The following RASSF4 variants were observed in gnomAD, a reference collection of about 807,000 sequenced individuals.
RASSF4 encodes Ras association domain family member 4.
In RASSF4, 38 loss-of-function variants were observed where a neutral mutation model predicts 41.1. The ratio of observed to expected loss-of-function variants is 0.92; its 90% CI spans 0.71 to 1.21. The LOEUF (loss-of-function observed/expected upper bound fraction) is 1.21, where lower values mean the gene tolerates loss of function less well. RASSF4 is among the 50% of genes most tolerant of loss of function. The probability of loss-of-function intolerance (pLI) is 0.00; values close to 1 mark genes in which losing one functional copy is unlikely to be tolerated. For synonymous variants in RASSF4, 179 were observed against 163.4 expected (o/e 1.10, Z -0.73); for missense variants, 414 against 419.4 (o/e 0.99, Z 0.11).
chr10:44,969,021 T>A (rs1841024108), intron 1 of RASSF4, among the ~76,000 whole-genome samples: 1 of 151,824 alleles, frequency 6.6e-6, no homozygotes, highest in Admixed American at 6.6e-5. Flanking sequence ...TGTGTGCATG[T>A]GAGCATGTGT....
At chr10:44,977,390 G>C in intron 3 of RASSF4, 1 of 1,569,856 alleles carries the variant, frequency 6.4e-7, no homozygotes, top group Non-Finnish European at 8.7e-7. Flanking sequence ...ACTGGGGAGG[G>C]GTCAGAGTTC....
intron 1 of RASSF4, among the ~76,000 whole-genome samples, chr10:44,964,459 G>T (rs925636756): frequency 6.6e-6 from 1 of 152,218 alleles, no homozygotes; most frequent in African/African-American, 2.4e-5. Context: ...CCTGCTGGCC[G>T]ACTTGGCCTG....
At chr10:44,973,429 G>T (rs1023269077) in intron 3 of RASSF4, among the ~76,000 whole-genome samples, 2 of 152,196 alleles carry the variant, frequency 1.3e-5, no homozygotes, top group African/African-American at 2.4e-5. Flanking sequence ...ATATCTTCTG[G>T]TGGAGGCCTG....
In RASSF4 at chr10:44,989,280, G is replaced by C. The variant is rs148393910; in HGVS notation, c.538G>C (p.Val180Leu). The change falls in exon 7 of 11, where the codon GTG (valine) becomes CTG (leucine). Residue 180 changes from valine (V) to leucine (L), a missense_variant. Val to Leu is a conservative substitution (Grantham distance 32). Coordinates refer to ENST00000340258, the MANE Select transcript of RASSF4 (RefSeq NM_032023.4). ...NGHFYNHKTSVFTPAYGSVTN... is the reference protein window; with the variant it reads ...NGHFYNHKTSLFTPAYGSVTN... ...CTCTCCCTTCCTGGTACAGACCTCC[G>C]TGTTTACTCCAGCCTATGGATCCGT... 2 of 1,611,482 alleles carry C rather than the reference G, an allele frequency of 1.2e-6. No individual in the cohort carries two copies. The highest frequency in any genetic ancestry group is 2.2e-5 in the South Asian group (2 of 90,958).
At chr10:44,965,577 T>C (rs539018830) in intron 1 of RASSF4, among the ~76,000 whole-genome samples, 2 of 152,238 alleles carry the variant, frequency 1.3e-5, no homozygotes, top group Non-Finnish European at 2.9e-5. Flanking sequence ...AATGTGTGCC[T>C]CTCTCAAAGG....
At chr10:44,985,959 G>C (rs986785394) in intron 6 of RASSF4, among the ~76,000 whole-genome samples, 1 of 152,210 alleles carries the variant, frequency 6.6e-6, no homozygotes, top group East Asian at 1.9e-4. Context: ...CAGGATTGAA[G>C]TTAGGCAGAG....
At chr10:44,971,284 A>G (rs542155003) in intron 2 of RASSF4, 213 of 356,578 alleles carry the variant, frequency 6.0e-4, no homozygotes, top group Non-Finnish European at 1.0e-3. Flanking sequence ...CAGGGCCATC[A>G]CCTTCCACTG....
chr10:44,994,409 G>A lies in RASSF4; in HGVS notation c.*1080G>A, dbSNP rs187991263. 1.1e-3 allele frequency: 169 copies of A among 152,782 alleles called. No individual in the cohort carries two copies. The highest frequency in any genetic ancestry group is 3.8e-3 in the African/African-American group (159 of 41,578). The allele number at this position is 152,782 out of a possible 1,614,324, so 9.5% of individuals were successfully genotyped here. ...AAACTGAAGACCAAATTATTCTCCT[G>A]TTGAGGTCCGTGGATGGCAGATTTA... is the stretch of plus-strand genomic sequence containing the variant. On this transcript the variant is annotated 3_prime_UTR_variant, in exon 11 of 11. Coordinates refer to ENST00000340258, the MANE Select transcript of RASSF4 (RefSeq NM_032023.4).
intron 2 of RASSF4, 194 bp from the exon 3 acceptor site, chr10:44,971,579 C>A: frequency 1.5e-6 from 1 of 688,910 alleles, no homozygotes; most frequent in Non-Finnish European, 2.7e-6. Flanking sequence ...CCCATGCCCC[C>A]CACCAGGGCC....
rs570843629 is a variant in RASSF4 at position 44,984,976 on chromosome 10, G to C, written c.531+6G>C. The C allele has an allele frequency of 2.5e-6, 4 of 1,607,630 alleles. No individual in the cohort carries two copies. In the African/African-American group the frequency reaches 4.0e-5, roughly 16 times the overall value. ...GCCACTTCTACAATCATAAGGTGAT[G>C]CCCCAGCCTGGCCTCTCCCCTGGGC... On this transcript the variant is annotated splice_donor_region_variant and intron_variant, in intron 6 of 10. Transcript: ENST00000340258.
chr10:44,993,741 C>T lies in RASSF4; in HGVS notation c.*412C>T, dbSNP rs76732694. 0.011 allele frequency: 1,808 copies of T among 171,122 alleles called. 15 individuals are homozygous for T. Among genetic ancestry groups the T allele is most frequent in the Non-Finnish European group, 0.017 (1,345 of 79,052 alleles). 10.6% of individuals were successfully genotyped at this position (171,122 alleles called of 1,614,324 possible). A position where few individuals can be genotyped will look rare whatever the true frequency, so the allele number is the denominator to read the frequency against. On this transcript the variant is annotated 3_prime_UTR_variant, in exon 11 of 11. Coordinates refer to ENST00000340258, the MANE Select transcript of RASSF4 (RefSeq NM_032023.4). ...GAGATTCTTGTCTGCCCTCATATCA[C>T]GCTGCCCCACAGGAATGCTGCTGGG...
At chr10:44,962,642 G>A (rs2132758721) in intron 1 of RASSF4, among the ~76,000 whole-genome samples, 1 of 152,328 alleles carries the variant, frequency 6.6e-6, no homozygotes, top group African/African-American at 2.4e-5. Context: ...CCAGCCCCAG[G>A]CAATCGGGAT....
intron 3 of RASSF4, chr10:44,977,308 G>T: frequency 1.3e-6 from 2 of 1,484,470 alleles, no homozygotes; most frequent in Non-Finnish European, 1.8e-6. Flanking sequence ...TCAGAGACCT[G>T]CCAGGGGCAG....
intron 3 of RASSF4, chr10:44,982,148 G>A: frequency 3.4e-6 from 1 of 292,734 alleles, no homozygotes; most frequent in South Asian, 3.1e-5. Flanking sequence ...CCCCTCCCAG[G>A]TGCAGTGTGG....
chr10:44,993,110 C>T (rs1355457614), intron 10 of RASSF4, among the ~76,000 whole-genome samples, 159 bp from the exon 11 acceptor site: 1 of 152,186 alleles, frequency 6.6e-6, no homozygotes, highest in Non-Finnish European at 1.5e-5. Flanking sequence ...GACTGCACCT[C>T]ATGAGGCGCA....
At chr10:44,971,613 T>C (rs1426570489) in intron 2 of RASSF4, 160 bp from the exon 3 acceptor site, 1 of 725,634 alleles carries the variant, frequency 1.4e-6, no homozygotes, top group South Asian at 1.4e-5. Context: ...TCCGGGTGCA[T>C]TGCGATGGCA....
chr10:44,984,540 C>T, intron 5 of RASSF4: 2 of 541,224 alleles, frequency 3.7e-6, no homozygotes, highest in Non-Finnish European at 3.3e-6. Flanking sequence ...GAAGACAGGG[C>T]TGGGGCCACC....
chr10:44,985,229 C>T (rs1038361733), intron 6 of RASSF4, among the ~76,000 whole-genome samples: 6 of 152,312 alleles, frequency 3.9e-5, no homozygotes, highest in South Asian at 2.1e-4. Context: ...TAACGCTGAC[C>T]GTGTCTTCAA....
intron 3 of RASSF4, chr10:44,980,904 C>T (rs1015326482): frequency 6.6e-6 from 1 of 152,204 alleles, no homozygotes; most frequent in Non-Finnish European, 1.5e-5. Context: ...AGCTCAGTGA[C>T]ACATCTGTGC....
Sources: allele counts gnomAD v4.1 joint callset (sites outside exome capture counted in the v4.1 genomes callset), GRCh38; gene constraint gnomAD v4.1.1; transcripts MANE v1.5; gene names NCBI Gene and HGNC (gene_info 2026-07-23, HGNC 2026-07-21).